The following ARHGAP24 variants were observed in gnomAD, a reference collection of about 807,000 sequenced individuals.
ARHGAP24 encodes Rho GTPase activating protein 24.
A neutral mutation model predicts 76.4 loss-of-function variants in ARHGAP24; 50 were observed. That is an observed-to-expected ratio of 0.65 (90% CI 0.52 to 0.83). The LOEUF is 0.83. ARHGAP24 is among the 40% of genes least tolerant of loss of function. ARHGAP24 has a pLI of 0.00. For synonymous variants in ARHGAP24, 345 were observed against 323.3 expected (o/e 1.07, Z -0.72); for missense variants, 930 against 914.2 (o/e 1.02, Z -0.22).
chr4:85,600,003 C>T (rs1719981275), intron 2 of ARHGAP24, among the ~76,000 whole-genome samples: 1 of 151,848 alleles, frequency 6.6e-6, no homozygotes. Context: ...CCATTAATAA[C>T]TAAAAATAAA....
chr4:85,663,308 G>A (rs1159152010), intron 2 of ARHGAP24, among the ~76,000 whole-genome samples: 1 of 126,164 alleles, frequency 7.9e-6, no homozygotes, highest in African/African-American at 2.8e-5. Flanking sequence ...CTCATGATTT[G>A]GCTCTCTGTT....
chr4:85,682,224 A>C (rs1350126510), intron 2 of ARHGAP24, among the ~76,000 whole-genome samples: 2 of 152,204 alleles, frequency 1.3e-5, no homozygotes, highest in Non-Finnish European at 2.9e-5. Flanking sequence ...AAGAAACCAT[A>C]ATAAGCCACA....
At chr4:85,703,073 G>A (rs1442948740) in intron 2 of ARHGAP24, among the ~76,000 whole-genome samples, 2 of 151,978 alleles carry the variant, frequency 1.3e-5, no homozygotes, top group East Asian at 3.9e-4. Flanking sequence ...ATCCTACCAA[G>A]ATTATGACTA....
At chr4:85,583,295 A>G (rs1327836537) in intron 2 of ARHGAP24, among the ~76,000 whole-genome samples, 1 of 152,180 alleles carries the variant, frequency 6.6e-6, no homozygotes, top group African/African-American at 2.4e-5. Context: ...CAGGAAGATG[A>G]AAAAGGGTAA....
intron 3 of ARHGAP24, among the ~76,000 whole-genome samples, chr4:85,886,203 C>T (rs1264226144): frequency 6.6e-6 from 1 of 152,080 alleles, no homozygotes; most frequent in Non-Finnish European, 1.5e-5. Context: ...TGTCAATGAC[C>T]ATTATCTGAC....
At chr4:85,843,712 T>C (rs1730724481) in intron 3 of ARHGAP24, among the ~76,000 whole-genome samples, 2 of 152,106 alleles carry the variant, frequency 1.3e-5, no homozygotes, top group African/African-American at 2.4e-5. Flanking sequence ...TAAAGAGTAC[T>C]ATGATAGTTA....
intron 1 of ARHGAP24, among the ~76,000 whole-genome samples, chr4:85,538,581 T>C (rs376214733): frequency 2.6e-5 from 4 of 152,278 alleles, no homozygotes; most frequent in African/African-American, 9.6e-5. Flanking sequence ...ACTGGTATAA[T>C]TGTGTCTCCA....
At chr4:85,995,891 A>T (rs1413002323) in intron 9 of ARHGAP24, among the ~76,000 whole-genome samples, 1 of 152,198 alleles carries the variant, frequency 6.6e-6, no homozygotes, top group Non-Finnish European at 1.5e-5. Flanking sequence ...GCACATAAGA[A>T]GTGATTGAAC....
intron 3 of ARHGAP24, among the ~76,000 whole-genome samples, chr4:85,921,870 C>T (rs1158470455): frequency 6.6e-6 from 1 of 152,052 alleles, no homozygotes; most frequent in Non-Finnish European, 1.5e-5. Context: ...TGAACTAACG[C>T]CTGATGATCT....
intron 2 of ARHGAP24, among the ~76,000 whole-genome samples, chr4:85,617,409 G>A (rs527506357): frequency 2.0e-4 from 30 of 151,890 alleles, no homozygotes; most frequent in African/African-American, 4.8e-4. Context: ...GTATCCTTCC[G>A]GAGATGTTCA....
rs771470676 is a variant in ARHGAP24, at chr4:85,995,301, C to A, written c.1647C>A (p.Ser549Arg). The A allele has an allele frequency of 6.2e-7, 1 of 1,614,070 alleles. No homozygotes were observed. Among genetic ancestry groups the A allele is most frequent in the South Asian group, 1.1e-5 (1 of 91,080 alleles). ...FSMMNLDDKQ[S>R]IDSATWSTSS... Reference sequence around the variant, plus strand: ...TGATGAACCTTGATGACAAGCAGAGCATTGACAGTGCTACCTGGTCCACTT... The same window carrying A: ...TGATGAACCTTGATGACAAGCAGAGAATTGACAGTGCTACCTGGTCCACTT... Residue 549 changes from serine (S) to arginine (R), a missense_variant, in exon 9 of 10, where the codon AGC (serine) becomes AGA (arginine). Physicochemically the swap from Ser to Arg is moderately radical, Grantham distance 110. Coordinates refer to ENST00000395184, the MANE Select transcript of ARHGAP24 (RefSeq NM_001025616.3).
chr4:85,776,474 ATGT>A (rs1438701840), intron 3 of ARHGAP24, among the ~76,000 whole-genome samples: 1 of 152,170 alleles, frequency 6.6e-6, no homozygotes, highest in African/African-American at 2.4e-5. Context: ...GGTTGCAAAA[ATGT>A]TGTGCCGTTT....
At chr4:85,757,515 C>T (rs2110070812) in intron 3 of ARHGAP24, among the ~76,000 whole-genome samples, 1 of 152,190 alleles carries the variant, frequency 6.6e-6, no homozygotes, top group Non-Finnish European at 1.5e-5. Flanking sequence ...TGGTTTCCAG[C>T]TTCATCCATG....
intron 2 of ARHGAP24, among the ~76,000 whole-genome samples, chr4:85,690,543 G>C (rs1723592810): frequency 6.6e-6 from 1 of 152,160 alleles, no homozygotes; most frequent in Non-Finnish European, 1.5e-5. Context: ...AACTTTGGAA[G>C]ATTGTGTGTT....
intron 2 of ARHGAP24, among the ~76,000 whole-genome samples, chr4:85,670,626 TTG>T (rs1722786651): frequency 1.3e-5 from 2 of 152,322 alleles, no homozygotes; most frequent in South Asian, 4.1e-4. Context: ...CATTTATTCT[TTG>T]TGACTGAATT....
Position 85,947,183 on chromosome 4 carries a change from G to GT in ARHGAP24, c.599+4916dup, listed in dbSNP as rs1737328848. ...TGCCCCTTTTTTAATTGTTTATTTGGTTTTTTGCTTGTTGACTTGTTTAAG... is the reference window on the plus strand; with the variant it reads ...TGCCCCTTTTTTAATTGTTTATTTGGTTTTTTTGCTTGTTGACTTGTTTAAG... On this transcript the variant is annotated intron_variant, in intron 5 of 9. Coordinates refer to ENST00000395184, the MANE Select transcript of ARHGAP24 (RefSeq NM_001025616.3). Among the ~76,000 whole-genome samples, 16 of 151,978 alleles carry GT rather than the reference G, an allele frequency of 1.1e-4. 1 individual carries two copies. The South Asian group carries it at 2.5e-3, about 24-fold the overall frequency.
intron 2 of ARHGAP24, among the ~76,000 whole-genome samples, chr4:85,616,868 T>G (rs1720558555): frequency 6.6e-6 from 1 of 152,060 alleles, no homozygotes; most frequent in Admixed American, 6.6e-5. Flanking sequence ...CCTTGGATGA[T>G]CCGCCCACCT....
At chr4:85,543,057 T>G (rs955777020) in intron 1 of ARHGAP24, among the ~76,000 whole-genome samples, 29 of 152,134 alleles carry the variant, frequency 1.9e-4, no homozygotes, top group African/African-American at 5.6e-4. Flanking sequence ...TAAGTTCCAA[T>G]AAGAAAGAGG....
intron 8 of ARHGAP24, among the ~76,000 whole-genome samples, chr4:85,988,161 T>A (rs930715606): frequency 6.6e-6 from 1 of 151,916 alleles, no homozygotes; most frequent in Non-Finnish European, 1.5e-5. Flanking sequence ...GATGGTCTTG[T>A]ACTACAAGAA....
Sources: gnomAD v4.1 joint callset for allele counts (sites outside exome capture counted in the v4.1 genomes callset) on GRCh38, gnomAD v4.1.1 for gene constraint, MANE v1.5 for transcripts, NCBI Gene and HGNC (gene_info 2026-07-23, HGNC 2026-07-21) for gene names.